The following MTUS2 variants were observed in gnomAD, a reference collection of about 807,000 sequenced individuals.
MTUS2 encodes microtubule-associated tumor suppressor candidate 2.
In MTUS2, 40 loss-of-function variants were observed where a neutral mutation model predicts 114.1. The ratio of observed to expected loss-of-function variants is 0.35; its 90% CI spans 0.27 to 0.46. MTUS2 has a LOEUF of 0.46. Ranked by LOEUF, MTUS2 falls within the 20% of genes least tolerant of loss-of-function variation. The pLI, the probability that MTUS2 is intolerant of heterozygous loss-of-function variation, is 1.00. For synonymous variants in MTUS2, 688 were observed against 672.0 expected, an observed-to-expected ratio of 1.02 and a Z score of -0.37; for missense variants, 1,679 against 1,705.4, an observed-to-expected ratio of 0.98 and a Z score of 0.27.
In MTUS2 at chr13:29,027,620, C is replaced by T. The variant is rs529901457; in HGVS notation, c.2205+717C>T. Among the ~76,000 whole-genome samples, 7 of 152,262 alleles carry T rather than the reference C, an allele frequency of 4.6e-5. No individual in the cohort carries two copies. In the East Asian group the frequency reaches 7.8e-4, roughly 17 times the overall value. ...AGGCTTGAGTGCAGTGGCGCGATCTCGGCTCACTGGAAACTCCACTTTCTG... is the reference window on the plus strand; with the variant it reads ...AGGCTTGAGTGCAGTGGCGCGATCTTGGCTCACTGGAAACTCCACTTTCTG... On this transcript the variant is annotated intron_variant, in intron 3 of 15. Transcript: ENST00000612955.
At chr13:29,227,521 G>A (rs977765855) in intron 5 of MTUS2, among the ~76,000 whole-genome samples, 5 of 152,172 alleles carry the variant, frequency 3.3e-5, no homozygotes, top group Non-Finnish European at 5.9e-5. Context: ...ATTAAATCAA[G>A]GCAATCTCTT....
At chr13:29,270,660 C>G (rs1199773371) in intron 5 of MTUS2, among the ~76,000 whole-genome samples, 1 of 152,226 alleles carries the variant, frequency 6.6e-6, no homozygotes, top group East Asian at 1.9e-4. Flanking sequence ...TGGTACCATG[C>G]CCCGAGCATG....
chr13:29,365,716 C>T (rs2138266183), intron 8 of MTUS2, among the ~76,000 whole-genome samples: 1 of 152,268 alleles, frequency 6.6e-6, no homozygotes, highest in Admixed American at 6.5e-5. Context: ...CATAGCCTTC[C>T]TGTAGCCAGA....
intron 8 of MTUS2, among the ~76,000 whole-genome samples, chr13:29,362,371 A>G (rs558126190): frequency 6.6e-6 from 1 of 152,260 alleles, no homozygotes; most frequent in East Asian, 1.9e-4. Flanking sequence ...CAAGGATTTT[A>G]CTCTCAAGTG....
chr13:29,338,244 G>A (rs550921352), intron 7 of MTUS2, among the ~76,000 whole-genome samples: 6 of 152,074 alleles, frequency 3.9e-5, no homozygotes, highest in Non-Finnish European at 8.8e-5. Flanking sequence ...TTTTAACTAA[G>A]TTTAATTCAT....
intron 4 of MTUS2, among the ~76,000 whole-genome samples, chr13:29,073,080 A>G (rs1011781975): frequency 6.6e-6 from 1 of 152,132 alleles, no homozygotes; most frequent in African/African-American, 2.4e-5. Context: ...AATCCGGTGG[A>G]AAAGATGTCA....
At chr13:28,997,932 T>G (rs1008006047) in intron 2 of MTUS2, among the ~76,000 whole-genome samples, 24 of 152,338 alleles carry the variant, frequency 1.6e-4, no homozygotes, top group Admixed American at 1.3e-3. Context: ...ATCCTGTCAT[T>G]ATGATGTTAG....
intron 8 of MTUS2, among the ~76,000 whole-genome samples, chr13:29,430,156 T>TA (rs148381293): frequency 0.16 from 24,723 of 152,176 alleles, 2,665 homozygotes; most frequent in East Asian, 0.48. Flanking sequence ...ATTGAAGACT[T>TA]ACAACAATAA....
intron 8 of MTUS2, among the ~76,000 whole-genome samples, chr13:29,376,451 A>G (rs1871753349): frequency 6.6e-6 from 1 of 152,176 alleles, no homozygotes; most frequent in Non-Finnish European, 1.5e-5. Context: ...AAAATGGAAT[A>G]CTAAAAAATG....
At chr13:29,223,554 G>C (rs1351433718) in intron 5 of MTUS2, among the ~76,000 whole-genome samples, 1 of 152,222 alleles carries the variant, frequency 6.6e-6, no homozygotes, top group Non-Finnish European at 1.5e-5. Context: ...CCCACTGCAA[G>C]TCTCCTCTGA....
chr13:28,947,753 T>C (rs778205409), intron 2 of MTUS2, among the ~76,000 whole-genome samples: 30 of 152,210 alleles, frequency 2.0e-4, no homozygotes, highest in Non-Finnish European at 4.0e-4. Context: ...AAGGAAAATA[T>C]AAGTCATTTT....
At chr13:28,893,470 C>T (rs867948430) in intron 2 of MTUS2, among the ~76,000 whole-genome samples, 15 of 152,112 alleles carry the variant, frequency 9.9e-5, no homozygotes, top group Admixed American at 1.3e-4. Context: ...AAGGTAAAGC[C>T]ATTGGTCAAC....
Position 29,480,290 on chromosome 13 carries a change from G to C in MTUS2, c.3325G>C (p.Glu1109Gln), listed in dbSNP as rs750780619. 8 of 1,555,640 alleles carry C rather than the reference G, an allele frequency of 5.1e-6. No individual in the cohort carries two copies. The highest frequency in any genetic ancestry group is 6.1e-6 in the Non-Finnish European group (7 of 1,149,782). Residue 1109 changes from glutamate to glutamine, a missense_variant, in exon 10 of 16, where the codon GAG becomes CAG. Physicochemically the swap from Glu to Gln is conservative, Grantham distance 29. This residue lies in a region of MTUS2 where 822 missense variants were observed against 899.7 expected (regional missense o/e 0.91). Coordinates refer to ENST00000612955, the MANE Select transcript of MTUS2 (RefSeq NM_001033602.4). The surrounding 1 kb of genome is among the most constrained non-coding windows in gnomAD (Gnocchi z 4.4). Reference protein sequence around the residue: ...ELEERLQLQFEAEMARLQEEH... With the variant: ...ELEERLQLQFQAEMARLQEEH... ...GGAGGAGCGGCTGCAGCTGCAATTC[G>C]AGGCGGAAATGGCGCGCCTGCAGGA...
At chr13:29,282,455 A>G (rs192520082) in intron 6 of MTUS2, among the ~76,000 whole-genome samples, 1 of 152,374 alleles carries the variant, frequency 6.6e-6, no homozygotes, top group East Asian at 1.9e-4. Context: ...TGCAGAATTC[A>G]GCTGATTCAA....
chr13:29,327,191 C>T (rs9551647), intron 7 of MTUS2, among the ~76,000 whole-genome samples: 113,120 of 151,896 alleles, frequency 0.74, 45,191 homozygotes, highest in East Asian at 0.9. Flanking sequence ...AAAACTAAAC[C>T]GAAGAAAGTT....
Position 29,281,821 on chromosome 13 carries a change from G to T in MTUS2, c.2762G>T (p.Arg921Leu). 6.2e-7 allele frequency: 1 copy of T among 1,609,136 alleles called. No individual in the cohort carries two copies. Among genetic ancestry groups the T allele is most frequent in the Non-Finnish European group, 8.5e-7 (1 of 1,176,606 alleles). Residue 921 changes from arginine to leucine, a missense_variant, in exon 6 of 16, where the codon CGC becomes CTC. Physicochemically the swap from Arg to Leu is moderately radical, Grantham distance 102 (BLOSUM62 -2). Transcript: ENST00000612955. Reference protein sequence around the residue: ...PPASSSVTAPRRSLLPAPKST... With the variant: ...PPASSSVTAPLRSLLPAPKST... ...GCATCCTCCAGTGTGACAGCACCCC[G>T]CAGGAGTTTACTTCCAGCGCCAAAA... is the stretch of plus-strand genomic sequence containing the variant.
chr13:28,996,869 T>A (rs1885137261), intron 2 of MTUS2, among the ~76,000 whole-genome samples: 1 of 152,198 alleles, frequency 6.6e-6, no homozygotes, highest in Non-Finnish European at 1.5e-5. Flanking sequence ...TCATTGATTT[T>A]TTTGAAGGGA....
chr13:28,896,105 A>C (rs1879249825), intron 2 of MTUS2, among the ~76,000 whole-genome samples: 1 of 152,210 alleles, frequency 6.6e-6, no homozygotes, highest in South Asian at 2.1e-4. Flanking sequence ...ATAGATAATA[A>C]ATAATACAAG....
chr13:29,403,667 T>G (rs1874525482), intron 8 of MTUS2, among the ~76,000 whole-genome samples: 1 of 152,204 alleles, frequency 6.6e-6, no homozygotes, highest in Non-Finnish European at 1.5e-5. Flanking sequence ...GATTTTGTTT[T>G]TCCTGCCTAC....
Sources: allele counts gnomAD v4.1 joint callset (sites outside exome capture counted in the v4.1 genomes callset), GRCh38; gene constraint gnomAD v4.1.1; regional missense constraint gnomAD v4.1.1; non-coding constraint Gnocchi (gnomAD v3.1); transcripts MANE v1.5; gene names NCBI Gene and HGNC (gene_info 2026-07-23, HGNC 2026-07-21).